Variants in GRM3 observed in about 807,000 individuals in gnomAD.
The protein encoded by GRM3 is metabotropic glutamate receptor 3.
Under a neutral mutation model 70.5 loss-of-function variants are expected in GRM3, and 26 were observed. The observed-to-expected ratio is 0.37, with a 90% CI of 0.27 to 0.51. The LOEUF is 0.51. Ranked by LOEUF, GRM3 falls within the 20% of genes least tolerant of loss-of-function variation. The pLI, the probability that GRM3 is intolerant of heterozygous loss-of-function variation, is 0.93. For synonymous variants in GRM3, 443 were observed against 434.9 expected (o/e 1.02, Z -0.23); for missense variants, 859 against 1,123.8 (o/e 0.76, Z 3.37).
intron 2 of GRM3, among the ~76,000 whole-genome samples, chr7:86,767,459 A>G (rs75580817): frequency 0.019 from 2,862 of 148,186 alleles, 102 homozygotes; most frequent in African/African-American, 0.065. Flanking sequence ...CTATACTTGG[A>G]TAAAGAGAGA....
At chr7:86,862,853 T>C (rs1351275398) in intron 5 of GRM3, among the ~76,000 whole-genome samples, 2 of 152,156 alleles carry the variant, frequency 1.3e-5, no homozygotes, top group African/African-American at 4.8e-5. Flanking sequence ...AATAGGAATT[T>C]TGCCTAGGTA....
chr7:86,830,040 T>C (rs1798320003), intron 3 of GRM3, among the ~76,000 whole-genome samples: 3 of 152,220 alleles, frequency 2.0e-5, no homozygotes, highest in African/African-American at 7.2e-5. Context: ...TAGAAAATGC[T>C]GTCAGTGCCT....
intron 2 of GRM3, among the ~76,000 whole-genome samples, chr7:86,777,441 T>C (rs1412349166): frequency 6.6e-6 from 1 of 152,186 alleles, no homozygotes; most frequent in Non-Finnish European, 1.5e-5. Flanking sequence ...AAATCACTGG[T>C]ACTGAGCCAT....
At chr7:86,724,004 A>G (rs2116243279) in intron 1 of GRM3, among the ~76,000 whole-genome samples, 1 of 152,298 alleles carries the variant, frequency 6.6e-6, no homozygotes, top group East Asian at 1.9e-4. Context: ...AAATCTGAGG[A>G]GAAATGTAGT....
intron 1 of GRM3, among the ~76,000 whole-genome samples, chr7:86,728,396 T>C (rs1022622137): frequency 1.3e-5 from 2 of 152,250 alleles, no homozygotes; most frequent in Admixed American, 6.5e-5. Flanking sequence ...TTCATAGTTT[T>C]GGACCATCAC....
At chr7:86,744,436 C>G (rs966113403) in intron 1 of GRM3, among the ~76,000 whole-genome samples, 2 of 151,750 alleles carry the variant, frequency 1.3e-5, no homozygotes, top group South Asian at 2.1e-4. Context: ...AGATTCTACT[C>G]TATAGTGGAG....
chr7:86,650,033 G>T (rs1217418886), intron 1 of GRM3, among the ~76,000 whole-genome samples: 1 of 152,190 alleles, frequency 6.6e-6, no homozygotes, highest in African/African-American at 2.4e-5. Flanking sequence ...GATTTTAAAT[G>T]TGTGTATATA....
chr7:86,815,009 C>T (rs1020652144), intron 3 of GRM3, among the ~76,000 whole-genome samples: 12 of 151,670 alleles, frequency 7.9e-5, no homozygotes, highest in African/African-American at 2.4e-4. Flanking sequence ...ACTCTTTTAA[C>T]GGTAGTTTCT....
intron 4 of GRM3, among the ~76,000 whole-genome samples, chr7:86,841,190 T>G (rs1798552840): frequency 6.6e-6 from 1 of 152,162 alleles, no homozygotes; most frequent in Non-Finnish European, 1.5e-5. Flanking sequence ...AAAAGGCAAA[T>G]CTGTTTAAAG....
At chr7:86,717,738 GTTT>G (rs1795354445) in intron 1 of GRM3, among the ~76,000 whole-genome samples, 1 of 151,890 alleles carries the variant, frequency 6.6e-6, no homozygotes, top group Admixed American at 6.6e-5. Flanking sequence ...GTTTGTCAAG[GTTT>G]ACTAAACTCT....
rs1166056810 is a variant in GRM3, at chr7:86,864,320, C to T, written c.2605C>T (p.Arg869Trp). Residue 869 changes from arginine (R) to tryptophan (W), a missense_variant, in exon 6 of 6, where the codon CGG (arginine) becomes TGG (tryptophan). Coordinates refer to ENST00000361669, the MANE Select transcript of GRM3 (RefSeq NM_000840.3). ...GTATGTGCCAACGGTGTGCAATGGG[C>T]GGGAAGTCCTCGACTCCACCACCTC... ...STYVPTVCNGREVLDSTTSSL is the reference protein window; with the variant it reads ...STYVPTVCNGWEVLDSTTSSL 1.9e-6 allele frequency: 3 copies of T among 1,608,866 alleles called. No individual in the cohort carries two copies. The highest frequency in any genetic ancestry group is 1.1e-5 in the South Asian group (1 of 90,978).
At chr7:86,810,931 T>C (rs941830330) in intron 3 of GRM3, among the ~76,000 whole-genome samples, 1 of 151,964 alleles carries the variant, frequency 6.6e-6, no homozygotes, top group African/African-American at 2.4e-5. Context: ...CATGGATCAT[T>C]TTTCCTACTT....
chr7:86,760,142 G>C (rs1796443352), intron 1 of GRM3, among the ~76,000 whole-genome samples: 1 of 151,934 alleles, frequency 6.6e-6, no homozygotes, highest in Non-Finnish European at 1.5e-5. Flanking sequence ...ATGGTTTCTG[G>C]CATTTTATCT....
chr7:86,800,092 A>G (rs971201758), intron 3 of GRM3, among the ~76,000 whole-genome samples: 1 of 152,220 alleles, frequency 6.6e-6, no homozygotes, highest in Non-Finnish European at 1.5e-5. Context: ...TTTGAAACCA[A>G]TGAGAAAAAA....
chr7:86,781,371 T>C (rs1033176128), intron 2 of GRM3, among the ~76,000 whole-genome samples: 9 of 152,180 alleles, frequency 5.9e-5, no homozygotes, highest in Admixed American at 2.6e-4. Context: ...CACTTAATAA[T>C]CCGTCTTTGA....
intron 2 of GRM3, among the ~76,000 whole-genome samples, chr7:86,783,736 A>AAAGG (rs1797142403): frequency 6.6e-6 from 1 of 152,186 alleles, no homozygotes; most frequent in African/African-American, 2.4e-5. Flanking sequence ...ACTAATTTTA[A>AAAGG]AAGGAGCAGC....
At chr7:86,847,191 A>G (rs1027397919) in intron 4 of GRM3, among the ~76,000 whole-genome samples, 4 of 152,184 alleles carry the variant, frequency 2.6e-5, no homozygotes, top group African/African-American at 9.6e-5. Flanking sequence ...TCTTTGCTAC[A>G]CAAAATCCTT....
At chr7:86,745,847 T>A (rs529118793) in intron 1 of GRM3, among the ~76,000 whole-genome samples, 37 of 152,154 alleles carry the variant, frequency 2.4e-4, no homozygotes, top group African/African-American at 8.7e-4. Context: ...ATCTACCTGA[T>A]TAAACGAGCT....
chr7:86,777,928 T>C (rs752737364), intron 2 of GRM3, among the ~76,000 whole-genome samples: 4 of 152,192 alleles, frequency 2.6e-5, no homozygotes, highest in Non-Finnish European at 5.9e-5. Context: ...GAACTTGTTT[T>C]TATGTAATAA....
Sources: gnomAD v4.1 joint callset for allele counts (sites outside exome capture counted in the v4.1 genomes callset) on GRCh38, gnomAD v4.1.1 for gene constraint, MANE v1.5 for transcripts, NCBI Gene and HGNC (gene_info 2026-07-23, HGNC 2026-07-21) for gene names.